The following GALNT13 variants were observed in gnomAD, a reference collection of about 807,000 sequenced individuals.
The protein encoded by GALNT13 is UDP-GalNAc:polypeptide N-acetylgalactosaminyltransferase 13.
A neutral mutation model predicts 64.2 loss-of-function variants in GALNT13; 28 were observed. The ratio of observed to expected loss-of-function variants is 0.44; its 90% CI spans 0.32 to 0.60. The LOEUF (loss-of-function observed/expected upper bound fraction) is 0.60. GALNT13 is among the 20% of genes least tolerant of loss of function. The pLI is 0.05. For missense variants in GALNT13, 577 were observed against 669.8 expected, an observed-to-expected ratio of 0.86 and a Z score of 1.53; for synonymous variants, 214 against 224.6, an observed-to-expected ratio of 0.95 and a Z score of 0.42.
chr2:154,414,517 T>TC, intron 11 of GALNT13, among the ~76,000 whole-genome samples: 1 of 151,780 alleles, frequency 6.6e-6, no homozygotes, highest in South Asian at 2.1e-4. Context: ...ATTTTTTTTT[T>TC]GTTTTTTATC....
chr2:153,903,355 A>G (rs1370638901), intron 2 of GALNT13, among the ~76,000 whole-genome samples: 2 of 152,088 alleles, frequency 1.3e-5, no homozygotes, highest in Non-Finnish European at 2.9e-5. Flanking sequence ...AACACTCAGC[A>G]TATGGAGTAT....
At position 154,110,929 on chromosome 2, in the gene GALNT13, C is replaced by A. The variant is rs796208115; in HGVS notation, c.143-29408C>A. 9.2e-5 allele frequency among the ~76,000 whole-genome samples: 14 copies of A among 152,160 alleles called. 1 individual carries two copies. Among genetic ancestry groups the A allele is most frequent in the African/African-American group, 3.4e-4 (14 of 41,522 alleles). ...CATCCAGAAATGCATCAATCCGGAA[C>A]CCAAATACTATTACATAAAGTTAGC... On this transcript the variant is annotated intron_variant, in intron 3 of 12. Transcript: ENST00000392825.
intron 9 of GALNT13, among the ~76,000 whole-genome samples, chr2:154,379,035 C>T (rs1259935897): frequency 1.3e-5 from 2 of 151,894 alleles, no homozygotes; most frequent in African/African-American, 4.8e-5. Context: ...ATAATAACGG[C>T]AGTAATTTCA....
At chr2:154,003,711 G>A (rs1696064100) in intron 3 of GALNT13, among the ~76,000 whole-genome samples, 4 of 152,078 alleles carry the variant, frequency 2.6e-5, no homozygotes. Context: ...GGATCATAGG[G>A]GAGGTTTCTC....
chr2:153,568,381 C>A, the GALNT13 span, among the ~76,000 whole-genome samples: 1 of 152,122 alleles, frequency 6.6e-6, no homozygotes, highest in Non-Finnish European at 1.5e-5. Context: ...CCACACCTGG[C>A]ACAAAGCTGC....
intron 3 of GALNT13, among the ~76,000 whole-genome samples, chr2:154,122,586 T>C (rs531409256): frequency 2.6e-5 from 4 of 152,172 alleles, no homozygotes; most frequent in Non-Finnish European, 5.9e-5. Flanking sequence ...TAATTATTGA[T>C]TCAACTTCTA....
chr2:153,763,455 G>A, the GALNT13 span, among the ~76,000 whole-genome samples: 3 of 152,210 alleles, frequency 2.0e-5, no homozygotes, highest in Admixed American at 6.6e-5. Context: ...CTGTTGTCAC[G>A]ATAGTGAATA....
intron 12 of GALNT13, among the ~76,000 whole-genome samples, chr2:154,445,322 C>A (rs1053028196): frequency 1.3e-5 from 2 of 151,588 alleles, no homozygotes; most frequent in African/African-American, 2.4e-5. Context: ...TAAGCAAAAT[C>A]ATTTTGTTTT....
the GALNT13 span, among the ~76,000 whole-genome samples, chr2:153,718,501 A>C: frequency 8.5e-5 from 13 of 152,052 alleles, no homozygotes; most frequent in African/African-American, 2.9e-4. Context: ...CTTTAAACTC[A>C]ACAGGAATAA....
chr2:153,566,140 A>T, the GALNT13 span, among the ~76,000 whole-genome samples: 32 of 152,146 alleles, frequency 2.1e-4, no homozygotes, highest in African/African-American at 7.7e-4. Flanking sequence ...AATATGCTAG[A>T]TAATATTTCA....
chr2:153,886,260 G>A (rs919826299), intron 1 of GALNT13, among the ~76,000 whole-genome samples: 5 of 150,176 alleles, frequency 3.3e-5, no homozygotes, highest in African/African-American at 9.8e-5. Context: ...TGTGCACAAC[G>A]TGCAGGTTTG....
chr2:153,991,600 A>C (rs986506177), intron 3 of GALNT13, among the ~76,000 whole-genome samples: 3 of 152,166 alleles, frequency 2.0e-5, no homozygotes, highest in African/African-American at 2.4e-5. Flanking sequence ...GAAAAGAATG[A>C]ACTTAGTGTA....
chr2:154,169,365 A>AG (rs1685225794), intron 4 of GALNT13, among the ~76,000 whole-genome samples: 1 of 152,190 alleles, frequency 6.6e-6, no homozygotes, highest in Non-Finnish European at 1.5e-5. Flanking sequence ...ATTATGGCTG[A>AG]TTTTAAGCTA....
chr2:153,776,246 T>C, the GALNT13 span, among the ~76,000 whole-genome samples: 1 of 152,162 alleles, frequency 6.6e-6, no homozygotes, highest in African/African-American at 2.4e-5. Flanking sequence ...TTTTTGAAAA[T>C]TTTATCCAGA....
intron 4 of GALNT13, 116 bp downstream of exon 4, chr2:154,140,621 T>TATC: frequency 1.6e-6 from 1 of 634,860 alleles, no homozygotes; most frequent in South Asian, 2.8e-5. Flanking sequence ...TCTGAGTACC[T>TATC]ATCACATAGC....
intron 3 of GALNT13, among the ~76,000 whole-genome samples, chr2:154,088,496 G>C (rs1244957024): frequency 6.6e-6 from 1 of 152,168 alleles, no homozygotes; most frequent in East Asian, 1.9e-4. Flanking sequence ...TTGTTGCCTA[G>C]GCTGGAGTGC....
chr2:153,511,350 G>A, the GALNT13 span, among the ~76,000 whole-genome samples: 22 of 152,192 alleles, frequency 1.4e-4, no homozygotes, highest in Non-Finnish European at 1.8e-4. Flanking sequence ...TAGATTAGGC[G>A]TGATTCAAGC....
chr2:153,240,987 A>G, the GALNT13 span, among the ~76,000 whole-genome samples: 2 of 152,110 alleles, frequency 1.3e-5, no homozygotes, highest in African/African-American at 4.8e-5. Context: ...GAAAGATTTC[A>G]GGGAGATTTC....
chr2:153,151,267 A>G, the GALNT13 span, among the ~76,000 whole-genome samples: 8 of 152,164 alleles, frequency 5.3e-5, no homozygotes, highest in Non-Finnish European at 7.4e-5. Flanking sequence ...AATGCAAATC[A>G]AAACCACAAT....
Sources: gnomAD v4.1 joint callset for allele counts (sites outside exome capture counted in the v4.1 genomes callset) on GRCh38, gnomAD v4.1.1 for gene constraint, MANE v1.5 for transcripts, NCBI Gene and HGNC (gene_info 2026-07-23, HGNC 2026-07-21) for gene names.